The following NPHP4 variants were observed in gnomAD, a reference collection of about 807,000 sequenced individuals.
NPHP4 encodes the protein nephrocystin-4.
In NPHP4, 151 loss-of-function variants were observed where a neutral mutation model predicts 155.8. The observed-to-expected ratio is 0.97, with a 90% CI of 0.85 to 1.11. The LOEUF (loss-of-function observed/expected upper bound fraction) is 1.11. Among genes scored for constraint, NPHP4 ranks in the 50% least tolerant of loss-of-function variants. The probability of loss-of-function intolerance (pLI) is 0.00; values close to 1 mark genes in which losing one functional copy is unlikely to be tolerated. For synonymous variants in NPHP4, 845 were observed against 816.8 expected (o/e 1.03, Z -0.59); for missense variants, 1,956 against 1,925.7 (o/e 1.02, Z -0.29).
intron 6 of NPHP4, among the ~76,000 whole-genome samples, chr1:5,959,305 G>A (rs1339412501): frequency 7.2e-5 from 11 of 152,348 alleles, no homozygotes; most frequent in South Asian, 4.1e-4. Context: ...CTGGAAGGCC[G>A]ACTTGAGGCC....
chr1:5,897,795 A>G (rs1438908670), intron 16 of NPHP4, among the ~76,000 whole-genome samples: 2 of 152,238 alleles, frequency 1.3e-5, no homozygotes, highest in African/African-American at 4.8e-5. Flanking sequence ...CTTAAATGTG[A>G]TACTAGAATT....
At chr1:5,970,239 C>T (rs1161507819) in intron 3 of NPHP4, among the ~76,000 whole-genome samples, 4 of 152,114 alleles carry the variant, frequency 2.6e-5, no homozygotes, top group Non-Finnish European at 4.4e-5. Context: ...GGTGGTGGCT[C>T]GCACCTGTAA....
intron 16 of NPHP4, among the ~76,000 whole-genome samples, chr1:5,893,169 G>A (rs1157635714): frequency 6.6e-6 from 1 of 152,136 alleles, no homozygotes; most frequent in East Asian, 1.9e-4. Flanking sequence ...CCACTGTGGG[G>A]ACCAGCCTCA....
At position 5,905,453 on chromosome 1, in the gene NPHP4, C is replaced by T. The variant is rs558466959; in HGVS notation, c.1794G>A (p.Met598Ile). The T allele has an allele frequency of 6.2e-7, 1 of 1,607,532 alleles. No individual in the cohort carries two copies. The highest frequency in any genetic ancestry group is 8.5e-7 in the Non-Finnish European group (1 of 1,174,636). ...SSAGQPSRAS[M>I]VLLQSSGFPE... ...GAAAGCCGGAGGACTGCAGGAGCAC[C>T]ATGGAGGCTCTCGAGGGCTGCCCTG... The change falls in exon 15 of 30, where the codon ATG becomes ATA. Residue 598 changes from methionine to isoleucine, a missense_variant. Physicochemically the swap from Met to Ile is conservative, Grantham distance 10. Transcript: ENST00000378156. The surrounding 1 kb of genome is among the most constrained non-coding windows in gnomAD (Gnocchi z 4.0).
chr1:5,976,531 G>A (rs2102344664), intron 3 of NPHP4, among the ~76,000 whole-genome samples: 1 of 152,336 alleles, frequency 6.6e-6, no homozygotes, highest in South Asian at 2.1e-4. Flanking sequence ...GCAGGCCCGA[G>A]GGGACCCCCT....
chr1:5,972,472 A>G (rs1652754343), intron 3 of NPHP4, among the ~76,000 whole-genome samples: 1 of 152,236 alleles, frequency 6.6e-6, no homozygotes, highest in Non-Finnish European at 1.5e-5. Context: ...CATTTGGAGT[A>G]AAAATGTAAA....
intron 11 of NPHP4, among the ~76,000 whole-genome samples, chr1:5,914,843 G>A (rs1036928452): frequency 6.6e-6 from 1 of 152,144 alleles, no homozygotes; most frequent in Admixed American, 6.5e-5. Flanking sequence ...CTGGAAATGT[G>A]AACGGGGTCG....
chr1:5,929,341 G>A (rs368910340), intron 10 of NPHP4, among the ~76,000 whole-genome samples: 37 of 152,260 alleles, frequency 2.4e-4, no homozygotes, highest in East Asian at 2.1e-3. Flanking sequence ...TGAACATGAC[G>A]TTGAATGCTA....
At chr1:5,885,209 GTCC>G (rs1007995231) in intron 18 of NPHP4, among the ~76,000 whole-genome samples, 9 of 131,152 alleles carry the variant, frequency 6.9e-5, no homozygotes, top group Non-Finnish European at 1.1e-4. Context: ...CTGAACCCCC[GTCC>G]TACTCGACAA....
chr1:5,965,459 A>T (rs1197785330), intron 5 of NPHP4, among the ~76,000 whole-genome samples: 8 of 152,262 alleles, frequency 5.3e-5, no homozygotes, highest in African/African-American at 1.9e-4. Flanking sequence ...CTGGACAGAA[A>T]ATCCCAGCAT....
At chr1:5,951,733 C>T (rs1648109709) in intron 7 of NPHP4, among the ~76,000 whole-genome samples, 2 of 152,212 alleles carry the variant, frequency 1.3e-5, no homozygotes, top group Admixed American at 1.3e-4. Flanking sequence ...AAAACATAAG[C>T]AGTCCCCAAA....
Position 5,889,374 on chromosome 1 carries a change from T to C in NPHP4, c.2304+1494A>G, listed in dbSNP as rs557337302. 2.6e-5 allele frequency among the ~76,000 whole-genome samples: 4 copies of C among 152,352 alleles called. No individual in the cohort carries two copies. The East Asian group carries it at 7.7e-4, about 29-fold the overall frequency. Reference sequence around the variant, plus strand: ...CAGTTTTTCACGTTTTCTACCTAAGTTTTAAAGTTACAAGATTTTATTTTA... The same window carrying C: ...CAGTTTTTCACGTTTTCTACCTAAGCTTTAAAGTTACAAGATTTTATTTTA... On this transcript the variant is annotated intron_variant, in intron 17 of 29. Transcript: ENST00000378156. The surrounding 1 kb of genome is among the most constrained non-coding windows in gnomAD (Gnocchi z 4.2).
At chr1:5,894,230 A>G (rs2100975800) in intron 16 of NPHP4, among the ~76,000 whole-genome samples, 1 of 152,328 alleles carries the variant, frequency 6.6e-6, no homozygotes, top group East Asian at 1.9e-4. Flanking sequence ...CTCTTAACAT[A>G]ATGCAATAAA....
intron 18 of NPHP4, among the ~76,000 whole-genome samples, chr1:5,885,962 C>T (rs1354382654): frequency 6.6e-6 from 1 of 152,240 alleles, no homozygotes; most frequent in Non-Finnish European, 1.5e-5. Context: ...CTGGCTATCT[C>T]AGCCTCCCCT....
intron 6 of NPHP4, among the ~76,000 whole-genome samples, chr1:5,959,068 G>A (rs1355131034): frequency 6.6e-6 from 1 of 151,892 alleles, no homozygotes; most frequent in Non-Finnish European, 1.5e-5. Context: ...AGGTGTTGCT[G>A]AGATACCTAT....
intron 11 of NPHP4, among the ~76,000 whole-genome samples, chr1:5,917,775 C>G (rs923851617): frequency 6.6e-6 from 1 of 152,176 alleles, no homozygotes; most frequent in Non-Finnish European, 1.5e-5. Flanking sequence ...ACCTTCCAGG[C>G]ATACGATGAG....
At chr1:5,967,169 C>A in intron 5 of NPHP4, 130 bp downstream of exon 5, 1 of 728,678 alleles carries the variant, frequency 1.4e-6, no homozygotes, top group Non-Finnish European at 2.3e-6. Context: ...TCTGCCAAAA[C>A]CTCTTAGATA....
intron 5 of NPHP4, among the ~76,000 whole-genome samples, chr1:5,965,610 G>A (rs554370293): frequency 6.6e-6 from 1 of 152,268 alleles, no homozygotes; most frequent in Admixed American, 6.5e-5. Flanking sequence ...TCTTGGCCTA[G>A]AGGACTCCAG....
In NPHP4 at chr1:5,967,365, TG is replaced by T; in HGVS notation, c.453-3del. On this transcript the variant is annotated splice_region_variant and splice_polypyrimidine_tract_variant and intron_variant, in intron 4 of 29. Transcript: ENST00000378156. ...GGGGTGCCATGGTACAGCCGCAACCTGGAAGACAGGACCCAGAGAACAGTCG... is the reference window on the plus strand; with the variant it reads ...GGGGTGCCATGGTACAGCCGCAACCTGAAGACAGGACCCAGAGAACAGTCG... 1.2e-6 allele frequency: 2 copies of T among 1,604,434 alleles called. No individual in the cohort carries two copies. Among genetic ancestry groups the T allele is most frequent in the Non-Finnish European group, 8.5e-7 (1 of 1,175,946 alleles).
Sources: gnomAD v4.1 joint callset for allele counts (sites outside exome capture counted in the v4.1 genomes callset) on GRCh38, gnomAD v4.1.1 for gene constraint, Gnocchi (gnomAD v3.1) non-coding constraint, MANE v1.5 for transcripts, NCBI Gene and HGNC (gene_info 2026-07-23, HGNC 2026-07-21) for gene names.